The following CPLANE1 variants were observed in gnomAD, a reference collection of about 807,000 sequenced individuals.
CPLANE1 encodes the protein ciliogenesis and planar polarity effector complex subunit 1, also known as ciliogenesis and planar polarity effector 1.
Under a neutral mutation model 362.5 loss-of-function variants are expected in CPLANE1, and 263 were observed. The observed-to-expected ratio is 0.73, with a 90% CI of 0.66 to 0.80. CPLANE1 has a LOEUF of 0.80. Ranked by LOEUF, CPLANE1 falls within the 30% of genes least tolerant of loss-of-function variation. CPLANE1 has a pLI of 0.00. For missense variants in CPLANE1, 3,461 were observed against 3,793.4 expected (o/e 0.91, Z 2.30); for synonymous variants, 1,212 against 1,302.6 (o/e 0.93, Z 1.50).
chr5:37,204,760 A>AG (rs1225820059), intron 18 of CPLANE1, among the ~76,000 whole-genome samples: 1 of 151,988 alleles, frequency 6.6e-6, no homozygotes, highest in Non-Finnish European at 1.5e-5. Flanking sequence ...AAAAAAAAAA[A>AG]AAAGGCATGT....
chr5:37,212,306 G>A, intron 16 of CPLANE1: 1 of 951,328 alleles, frequency 1.1e-6, no homozygotes, highest in Non-Finnish European at 1.7e-6. Flanking sequence ...GCTCCCTAGT[G>A]GACACACTGC....
chr5:37,196,242 A>G (rs1228939767), intron 20 of CPLANE1, among the ~76,000 whole-genome samples: 1 of 152,134 alleles, frequency 6.6e-6, no homozygotes. Flanking sequence ...CCTGTATAAG[A>G]AGAATTTAAT....
intron 16 of CPLANE1, chr5:37,211,912 T>A: frequency 1.3e-6 from 1 of 792,206 alleles, no homozygotes; most frequent in Non-Finnish European, 2.3e-6. Context: ...GCCGGGGATA[T>A]GCTTCATATG....
Position 37,239,780 on chromosome 5 carries a change from G to T in CPLANE1, c.767C>A (p.Ala256Asp), listed in dbSNP as rs1799919744. The T allele has an allele frequency of 6.5e-7, 1 of 1,546,312 alleles. No homozygotes were observed. The highest frequency in any genetic ancestry group is 8.7e-7 in the Non-Finnish European group (1 of 1,144,140). ...ATCTCTTGAAAAGGCAGAAATTAGA[G>T]CTCCTCTTGACTTTACTGATTCACA... is the stretch of plus-strand genomic sequence containing the variant. ...PKCESVKSRGALISAFSRDGL... is the reference protein window; with the variant it reads ...PKCESVKSRGDLISAFSRDGL... The change falls in exon 7 of 53, where the codon GCT (alanine) becomes GAT (aspartate). Residue 256 changes from alanine to aspartate, a missense_variant. By Grantham distance (126) the Ala-to-Asp change is moderately radical. This residue lies in a region of CPLANE1 where 3,380 missense variants were observed against 3,666.1 expected (regional missense o/e 0.92). Transcript: ENST00000651892.
At chr5:37,149,099 T>C (rs762162225) in intron 42 of CPLANE1, among the ~76,000 whole-genome samples, 4 of 152,146 alleles carry the variant, frequency 2.6e-5, no homozygotes, top group Non-Finnish European at 5.9e-5. Context: ...TGTGTGTGTA[T>C]ACAAAATTAA....
At chr5:37,203,021 G>C (rs948815429) in intron 18 of CPLANE1, among the ~76,000 whole-genome samples, 1 of 151,660 alleles carries the variant, frequency 6.6e-6, no homozygotes, top group African/African-American at 2.4e-5. Flanking sequence ...TCCTAAATTG[G>C]TTTAGTAACT....
chr5:37,113,575 G>A (rs1759974663), intron 51 of CPLANE1, among the ~76,000 whole-genome samples: 1 of 152,100 alleles, frequency 6.6e-6, no homozygotes, highest in African/African-American at 2.4e-5. Context: ...GCATACATGG[G>A]GGAAAGAGTA....
intron 21 of CPLANE1, among the ~76,000 whole-genome samples, chr5:37,193,501 A>G (rs1468519651): frequency 6.6e-6 from 1 of 152,008 alleles, no homozygotes; most frequent in Non-Finnish European, 1.5e-5. Context: ...CTAAAAATAC[A>G]AAAATTAGCT....
At chr5:37,207,417 T>C (rs1273297080) in intron 16 of CPLANE1, among the ~76,000 whole-genome samples, 1 of 152,214 alleles carries the variant, frequency 6.6e-6, no homozygotes, top group Non-Finnish European at 1.5e-5. Context: ...GGCTAAATTT[T>C]TCCTATTTTT....
intron 8 of CPLANE1, among the ~76,000 whole-genome samples, chr5:37,234,283 G>A (rs1301576139): frequency 6.6e-6 from 1 of 150,460 alleles, no homozygotes; most frequent in Admixed American, 6.7e-5. Flanking sequence ...TCAAAATACC[G>A]ATTTTGAAGA....
At chr5:37,196,740 C>T (rs1035258837) in intron 20 of CPLANE1, among the ~76,000 whole-genome samples, 2 of 152,126 alleles carry the variant, frequency 1.3e-5, no homozygotes, top group African/African-American at 4.8e-5. Context: ...GCCCGGCCAA[C>T]ATGGTGAAAC....
chr5:37,126,533 T>C (rs1011003683), intron 46 of CPLANE1, among the ~76,000 whole-genome samples: 4 of 152,190 alleles, frequency 2.6e-5, no homozygotes, highest in Non-Finnish European at 4.4e-5. Context: ...GAGAGCTGCA[T>C]CATAGTCTGA....
chr5:37,194,213 C>T (rs1048923253), intron 21 of CPLANE1, among the ~76,000 whole-genome samples: 11 of 152,090 alleles, frequency 7.2e-5, no homozygotes, highest in African/African-American at 1.9e-4. Flanking sequence ...TGAGCCACCA[C>T]GCCCAGCCAG....
At chr5:37,102,363 T>G (rs1757335278), downstream of CPLANE1, among the ~76,000 whole-genome samples, 1 of 152,052 alleles carries the variant, frequency 6.6e-6, no homozygotes, top group East Asian at 1.9e-4. Context: ...AATTTTTGTA[T>G]TTTTAGTAGA....
rs1799688657 is a variant in CPLANE1, at chr5:37,239,053, T to C, written c.835-93A>G. ...GGTGACACAGAGATCTATTATTATA[T>C]TAATAAACTATCTAGGGAGTATTTC... On this transcript the variant is annotated intron_variant, in intron 7 of 52. Coordinates refer to ENST00000651892, the MANE Select transcript of CPLANE1 (RefSeq NM_001384732.1). 9 of 597,308 alleles carry C rather than the reference T, an allele frequency of 1.5e-5. No homozygotes were observed. The South Asian group carries it at 3.2e-4, about 21-fold the overall frequency. 37.0% of individuals were successfully genotyped at this position (597,308 alleles called of 1,614,324 possible).
At chr5:37,230,383 T>A (rs1387407992) in intron 9 of CPLANE1, among the ~76,000 whole-genome samples, 1 of 152,014 alleles carries the variant, frequency 6.6e-6, no homozygotes, top group Non-Finnish European at 1.5e-5. Flanking sequence ...ATCACATGTA[T>A]CCCATAAATA....
the CPLANE1 span, chr5:37,085,422 G>T: frequency 9.8e-7 from 1 of 1,018,556 alleles, no homozygotes; most frequent in Non-Finnish European, 1.6e-6. Flanking sequence ...GTACAAATTG[G>T]GTAAAGTGAG....
chr5:37,107,012 C>T lies in CPLANE1; in HGVS notation c.*590G>A. ...CCAAAGCATCCATTCCTGTTTCTTC[C>T]TCCAAGGCTTCAGGCTACAGGGCAG... On this transcript the variant is annotated 3_prime_UTR_variant, in exon 53 of 53. Transcript: ENST00000651892. The T allele has an allele frequency of 2.0e-6, 2 of 985,394 alleles. No homozygotes were observed. The highest frequency in any genetic ancestry group is 1.2e-6 in the Non-Finnish European group (1 of 829,936). The allele number at this position is 985,394 out of a possible 1,614,324, so 61.0% of individuals were successfully genotyped here. A position where few individuals can be genotyped will look rare whatever the true frequency, so the allele number is the denominator to read the frequency against.
chr5:37,211,190 A>G (rs1792494542), intron 16 of CPLANE1: 1 of 1,400,096 alleles, frequency 7.1e-7, no homozygotes, highest in Admixed American at 1.7e-5. Flanking sequence ...CAAGGATCAC[A>G]AATTATCCAA....
Sources: gnomAD v4.1 joint callset for allele counts (sites outside exome capture counted in the v4.1 genomes callset) on GRCh38, gnomAD v4.1.1 for gene constraint, gnomAD v4.1.1 regional missense constraint, MANE v1.5 for transcripts, NCBI Gene and HGNC (gene_info 2026-07-23, HGNC 2026-07-21) for gene names.